PIBF1: variants seen among roughly 807,000 people sequenced by gnomAD.
The protein encoded by PIBF1 is progesterone immunomodulatory binding factor 1, also known as progesterone-induced-blocking factor 1.
PIBF1 carries 90 observed loss-of-function variants against 112.5 expected under a neutral mutation model. The observed-to-expected ratio is 0.80, with a 90% CI of 0.67 to 0.95. PIBF1 has a LOEUF of 0.95. Ranked by LOEUF, PIBF1 falls within the 40% of genes least tolerant of loss-of-function variation. The pLI is 0.00. For synonymous variants in PIBF1, 301 were observed against 288.6 expected, an observed-to-expected ratio of 1.04 and a Z score of -0.44; for missense variants, 915 against 852.3, an observed-to-expected ratio of 1.07 and a Z score of -0.92.
chr13:72,980,626 C>A (rs1050679363), intron 16 of PIBF1, among the ~76,000 whole-genome samples: 8 of 151,918 alleles, frequency 5.3e-5, no homozygotes, highest in Non-Finnish European at 1.2e-4. Flanking sequence ...GAAACCCCAT[C>A]TCTACAAAAG....
At chr13:72,939,971 T>A (rs1018085148) in intron 14 of PIBF1, among the ~76,000 whole-genome samples, 1 of 152,230 alleles carries the variant, frequency 6.6e-6, no homozygotes, top group Non-Finnish European at 1.5e-5. Flanking sequence ...TAAGAGATTT[T>A]TAGTCACTGG....
intron 2 of PIBF1, among the ~76,000 whole-genome samples, chr13:72,791,266 G>C (rs1053696737): frequency 1.3e-5 from 2 of 152,122 alleles, no homozygotes; most frequent in Admixed American, 6.5e-5. Context: ...ATGTTAGCCA[G>C]TATGGTCTCC....
intron 8 of PIBF1, among the ~76,000 whole-genome samples, chr13:72,834,553 G>A (rs1228347015): frequency 6.6e-6 from 1 of 152,156 alleles, no homozygotes; most frequent in Admixed American, 6.5e-5. Context: ...CTTGAGCCCA[G>A]GAGTTCGGGG....
chr13:72,835,338 C>A lies in PIBF1; in HGVS notation c.1193C>A (p.Ala398Asp). 1.3e-6 allele frequency: 2 copies of A among 1,585,506 alleles called. No homozygotes were observed. The highest frequency in any genetic ancestry group is 1.7e-6 in the Non-Finnish European group (2 of 1,168,738). The change falls in exon 9 of 18, where the codon GCC (alanine) becomes GAC (aspartate). Residue 398 changes from alanine (A) to aspartate (D), a missense_variant. Physicochemically the swap from Ala to Asp is moderately radical, Grantham distance 126 (BLOSUM62 -2). Transcript: ENST00000326291. The stretch of plus-strand genomic sequence containing the variant: ...CAAGAAATTGATCAACTTCGAAATG[C>A]CTCTAGGGAAATGTATGAACGAGAA... Reference protein sequence around the residue: ...TNQEIDQLRNASREMYERENR... With the variant: ...TNQEIDQLRNDSREMYERENR...
chr13:72,896,828 A>G (rs562686183), intron 11 of PIBF1, among the ~76,000 whole-genome samples: 7 of 152,192 alleles, frequency 4.6e-5, no homozygotes, highest in Non-Finnish European at 1.0e-4. Context: ...AAGAGTAATC[A>G]GTGTTCCTGA....
At chr13:72,868,007 TA>T (rs5804651) in intron 10 of PIBF1, among the ~76,000 whole-genome samples, 113,071 of 152,008 alleles carry the variant, frequency 0.74, 42,436 homozygotes, top group African/African-American at 0.82. Context: ...CACAAAATAA[TA>T]ACATCTCTGG....
At chr13:72,910,032 A>T (rs2138663586) in intron 12 of PIBF1, among the ~76,000 whole-genome samples, 1 of 152,240 alleles carries the variant, frequency 6.6e-6, no homozygotes, top group Non-Finnish European at 1.5e-5. Flanking sequence ...ATGGGTTTAA[A>T]CTTCAGTTGA....
Position 72,999,009 on chromosome 13 carries a change from T to C in PIBF1, c.2223+14T>C, listed in dbSNP as rs757770417. 1.3e-5 allele frequency: 20 copies of C among 1,483,256 alleles called. No homozygotes were observed. In the Admixed American group the frequency reaches 4.1e-4, roughly 30 times the overall value. 91.9% of individuals were successfully genotyped at this position (1,483,256 alleles called of 1,614,324 possible). A position where few individuals can be genotyped will look rare whatever the true frequency, so the allele number is the denominator to read the frequency against. On this transcript the variant is annotated intron_variant, in intron 17 of 17. Transcript: ENST00000326291. ...CCAACACTCTTTGTAAGTACAATTTTTAAAACTCATAATTTTAATATTCCT... is the reference window on the plus strand; with the variant it reads ...CCAACACTCTTTGTAAGTACAATTTCTAAAACTCATAATTTTAATATTCCT...
intron 14 of PIBF1, among the ~76,000 whole-genome samples, chr13:72,955,279 A>G (rs985405342): frequency 7.9e-5 from 12 of 152,004 alleles, no homozygotes; most frequent in African/African-American, 2.9e-4. Flanking sequence ...CTGGGAAAAA[A>G]TTCAGTTAAT....
chr13:72,985,371 C>CAAAAAAAAAAAAAAAAAAAAA lies in PIBF1; in HGVS notation c.2049+11698_2049+11718dup, dbSNP rs67195605. Among the ~76,000 whole-genome samples the CAAAAAAAAAAAAAAAAAAAAA allele has an allele frequency of 3.9e-5, 3 of 76,284 alleles. 1 individual carries two copies. The highest frequency in any genetic ancestry group is 6.9e-5 in the Non-Finnish European group (3 of 43,288). 50.0% of individuals were successfully genotyped at this position (76,284 alleles called of 152,430 possible). The stretch of plus-strand genomic sequence containing the variant: ...TGAAACCCTGTCTCTACTAAAAATA[C>CAAAAAAAAAAAAAAAAAAAAA]AAAAAAAAAAAAAAAAAAAAAAGCC... On this transcript the variant is annotated intron_variant, in intron 16 of 17. Transcript: ENST00000326291.
chr13:72,994,606 G>T (rs1306868888), intron 16 of PIBF1, among the ~76,000 whole-genome samples: 1 of 152,136 alleles, frequency 6.6e-6, no homozygotes, highest in Non-Finnish European at 1.5e-5. Context: ...TCAGAAAAAT[G>T]ATAGTTATAG....
At chr13:72,950,069 G>A (rs967491228) in intron 14 of PIBF1, among the ~76,000 whole-genome samples, 4 of 152,154 alleles carry the variant, frequency 2.6e-5, no homozygotes, top group East Asian at 1.9e-4. Flanking sequence ...TTAATACTGC[G>A]TACTGCTGAA....
chr13:72,980,231 A>G lies in PIBF1; in HGVS notation c.2049+6556A>G, dbSNP rs564493452. 4.6e-5 allele frequency among the ~76,000 whole-genome samples: 7 copies of G among 152,356 alleles called. No individual in the cohort carries two copies. The East Asian group carries it at 1.4e-3, about 29-fold the overall frequency. Reference sequence around the variant, plus strand: ...GTTACTTTACATGGAAATAGAGTAAATGAACTAGTGAGACTATATAGAGTA... The same window carrying G: ...GTTACTTTACATGGAAATAGAGTAAGTGAACTAGTGAGACTATATAGAGTA... On this transcript the variant is annotated intron_variant, in intron 16 of 17. Transcript: ENST00000326291.
At chr13:72,925,761 C>G (rs966441257) in intron 13 of PIBF1, among the ~76,000 whole-genome samples, 2 of 151,784 alleles carry the variant, frequency 1.3e-5, no homozygotes, top group Non-Finnish European at 1.5e-5. Context: ...AGGCTGGTCT[C>G]GAACTCCTGA....
chr13:72,914,771 G>A (rs771923332), intron 12 of PIBF1, among the ~76,000 whole-genome samples: 6 of 152,042 alleles, frequency 3.9e-5, no homozygotes, highest in African/African-American at 4.8e-5. Flanking sequence ...GTAGAGACAC[G>A]GTCTCACTAT....
At chr13:72,906,968 G>A (rs1175419034) in intron 11 of PIBF1, among the ~76,000 whole-genome samples, 4 of 152,052 alleles carry the variant, frequency 2.6e-5, no homozygotes, top group African/African-American at 9.7e-5. Flanking sequence ...CTCCATGTAA[G>A]CCCCAGATAA....
chr13:72,990,257 C>T lies in PIBF1; in HGVS notation c.2050-8565C>T, dbSNP rs186396132. On this transcript the variant is annotated intron_variant, in intron 16 of 17. Coordinates refer to ENST00000326291, the MANE Select transcript of PIBF1 (RefSeq NM_006346.4). Reference sequence around the variant, plus strand: ...AAAAAATGCCAGGTACAGTGGCTCACGCCTGTAATCCCAGCACTTTGGGAG... The same window carrying T: ...AAAAAATGCCAGGTACAGTGGCTCATGCCTGTAATCCCAGCACTTTGGGAG... Among the ~76,000 whole-genome samples the T allele has an allele frequency of 6.3e-3, 936 of 147,598 alleles. 13 individuals carry two copies. The highest frequency in any genetic ancestry group is 0.022 in the African/African-American group (864 of 39,894).
At chr13:72,835,479 G>T in intron 9 of PIBF1, 111 bp downstream of exon 9, 1 of 774,718 alleles carries the variant, frequency 1.3e-6, no homozygotes, top group Non-Finnish European at 1.9e-6. Flanking sequence ...ATACATTAGA[G>T]AAAACTTGTC....
chr13:72,965,788 C>CA lies in PIBF1; in HGVS notation c.1964+390dup, dbSNP rs567949898. Among the ~76,000 whole-genome samples the CA allele has an allele frequency of 9.2e-5, 14 of 151,920 alleles. No individual in the cohort carries two copies. In the South Asian group the frequency reaches 2.7e-3, roughly 29 times the overall value. The stretch of plus-strand genomic sequence containing the variant: ...AAAATGGCTTTTTAAACAACAACAA[C>CA]AAAAAATTTACATTTACTTAGATTT... On this transcript the variant is annotated intron_variant, in intron 15 of 17. Transcript: ENST00000326291.
Sources: gnomAD v4.1 joint callset for allele counts (sites outside exome capture counted in the v4.1 genomes callset) on GRCh38, gnomAD v4.1.1 for gene constraint, MANE v1.5 for transcripts, NCBI Gene and HGNC (gene_info 2026-07-23, HGNC 2026-07-21) for gene names.